The following ZFHX3 variants were observed in gnomAD, a reference collection of about 807,000 sequenced individuals.
ZFHX3 encodes zinc finger homeobox 3, also known as zinc finger homeobox protein 3.
A neutral mutation model predicts 279.1 loss-of-function variants in ZFHX3; 42 were observed. The observed-to-expected ratio is 0.15, with a 90% CI of 0.12 to 0.19. The LOEUF (loss-of-function observed/expected upper bound fraction) is 0.19, where lower values mean the gene tolerates loss of function less well. Ranked by LOEUF, ZFHX3 falls within the 10% of genes least tolerant of loss-of-function variation. ZFHX3 has a pLI of 1.00. For synonymous variants in ZFHX3, 2,293 were observed against 1,957.8 expected (o/e 1.17, Z -4.52); for missense variants, 4,981 against 4,754.0 (o/e 1.05, Z -1.40).
At position 73,882,781 on chromosome 16, in the gene ZFHX3, C is replaced by T. The variant is rs536040228; in HGVS notation, c.-1608+8870G>A. Among the ~76,000 whole-genome samples, 535 of 151,916 alleles carry T rather than the reference C, an allele frequency of 3.5e-3. 1 individual carries two copies. The highest frequency in any genetic ancestry group is 5.5e-3 in the Non-Finnish European group (375 of 67,938). On this transcript the variant is annotated intron_variant, in intron 1 of 17. Coordinates refer to the ZFHX3 transcript ENST00000641206. ...TAAGCTTCTTGGGTGCCAAGTGTCC[C>T]GAAACAACTACTCAAAAAAAGTTCA...
chr16:73,462,723 A>G (rs2018493963), intron 2 of ZFHX3, among the ~76,000 whole-genome samples: 1 of 152,070 alleles, frequency 6.6e-6, no homozygotes, highest in Admixed American at 6.5e-5. Context: ...ATATTGATTG[A>G]TTTTTCAATA....
chr16:73,084,594 C>T (rs1228542953), intron 8 of ZFHX3, among the ~76,000 whole-genome samples: 2 of 145,644 alleles, frequency 1.4e-5, no homozygotes, highest in Non-Finnish European at 3.0e-5. Context: ...GATCTCGGCT[C>T]ACTGCAAGCT....
chr16:73,851,781 T>A (rs77736822), intron 1 of ZFHX3, among the ~76,000 whole-genome samples: 3 of 152,306 alleles, frequency 2.0e-5, no homozygotes, highest in East Asian at 1.9e-4. Context: ...GGGCCTTTTT[T>A]AAAAATATTG....
intron 2 of ZFHX3, among the ~76,000 whole-genome samples, chr16:73,584,592 G>T (rs532600653): frequency 3.9e-5 from 6 of 152,274 alleles, no homozygotes; most frequent in African/African-American, 1.4e-4. Context: ...ATTACTAAAG[G>T]AAAGTCTAAA....
chr16:73,380,166 C>T (rs892131791), intron 3 of ZFHX3, among the ~76,000 whole-genome samples: 5 of 152,124 alleles, frequency 3.3e-5, no homozygotes, highest in Non-Finnish European at 7.4e-5. Flanking sequence ...TTAAAAAGCA[C>T]AGCTGATAAA....
intron 1 of ZFHX3, among the ~76,000 whole-genome samples, chr16:73,026,673 CAAAA>C (rs10561679): frequency 0.027 from 2,124 of 79,620 alleles, 62 homozygotes; most frequent in African/African-American, 0.084. Context: ...AAAACTGCCT[CAAAA>C]AAAAAAAAAA....
At chr16:73,456,647 CAGTTCTGAAG>C (rs2018377338) in intron 2 of ZFHX3, among the ~76,000 whole-genome samples, 1 of 152,194 alleles carries the variant, frequency 6.6e-6, no homozygotes, top group African/African-American at 2.4e-5. Context: ...TCTTCTGTTT[CAGTTCTGAAG>C]AGTAGCTGCT....
rs1258567953 is a variant in ZFHX3, at chr16:72,797,090, G to C, written c.5592C>G (p.His1864Gln). Residue 1864 changes from histidine (H) to glutamine (Q), a missense_variant, in exon 9 of 10, where the codon CAC becomes CAG. By Grantham distance (24) the His-to-Gln change is conservative (BLOSUM62 0). Around this residue, in one of 7 missense-constraint regions of ZFHX3, gnomAD observed 1,751 missense variants for 1,770.0 expected, o/e 0.99. Coordinates refer to ENST00000268489, the MANE Select transcript of ZFHX3 (RefSeq NM_006885.4). The stretch of plus-strand genomic sequence containing the variant: ...GCTGGCTTGGCTGAAGGAGGGCAGA[G>C]TGACTCTGGGCTATAGAGAGTTGGT... Reference protein sequence around the residue: ...QQNQLSIAQSHSALLQPSQHP... With the variant: ...QQNQLSIAQSQSALLQPSQHP... 2.5e-6 allele frequency: 4 copies of C among 1,613,870 alleles called. No homozygotes were observed. The South Asian group carries it at 4.4e-5, about 18-fold the overall frequency.
intron 2 of ZFHX3, among the ~76,000 whole-genome samples, chr16:73,489,416 G>A (rs978315196): frequency 6.6e-6 from 1 of 152,164 alleles, no homozygotes; most frequent in Non-Finnish European, 1.5e-5. Context: ...AGCTTCTCTA[G>A]ATCATTCCAT....
At chr16:72,997,206 G>A (rs1963328006) in intron 1 of ZFHX3, among the ~76,000 whole-genome samples, 2 of 152,278 alleles carry the variant, frequency 1.3e-5, no homozygotes, top group Admixed American at 6.5e-5. Flanking sequence ...TGTCACTGGC[G>A]GGGTAAGATC....
chr16:72,965,207 A>T (rs545667734), intron 1 of ZFHX3, among the ~76,000 whole-genome samples: 376 of 152,338 alleles, frequency 2.5e-3, no homozygotes, highest in Non-Finnish European at 4.4e-3. Context: ...AATTTTCAAA[A>T]GAGAACACTA....
chr16:73,067,950 G>A (rs1408350154), intron 8 of ZFHX3, among the ~76,000 whole-genome samples: 1 of 152,128 alleles, frequency 6.6e-6, no homozygotes, highest in Non-Finnish European at 1.5e-5. Context: ...TATTCCAGTA[G>A]GAGATAGATG....
chr16:73,392,418 C>CAAAAAAAAAAAAAAAAAAAAAA, intron 3 of ZFHX3, among the ~76,000 whole-genome samples: 1 of 35,782 alleles, frequency 2.8e-5, no homozygotes, highest in South Asian at 1.3e-3. Flanking sequence ...GACCCTGTCT[C>CAAAAAAAAAAAAAAAAAAAAAA]AAAAAAAAAA....
At chr16:73,371,602 G>GT (rs2143340425) in intron 3 of ZFHX3, among the ~76,000 whole-genome samples, 1 of 152,142 alleles carries the variant, frequency 6.6e-6, no homozygotes, top group South Asian at 2.1e-4. Flanking sequence ...AGGAACTGGT[G>GT]CACCGGGTGT....
chr16:72,990,458 G>A (rs549145511), intron 1 of ZFHX3, among the ~76,000 whole-genome samples: 1 of 152,252 alleles, frequency 6.6e-6, no homozygotes, highest in African/African-American at 2.4e-5. Context: ...TGAAGCGGGC[G>A]GGAGAGAGCT....
chr16:73,192,799 C>T (rs1303818951), intron 5 of ZFHX3, among the ~76,000 whole-genome samples: 3 of 152,194 alleles, frequency 2.0e-5, no homozygotes, highest in Admixed American at 6.5e-5. Context: ...CATTGCTCAT[C>T]GCACAAATGG....
intron 5 of ZFHX3, among the ~76,000 whole-genome samples, chr16:73,149,241 A>G (rs1966886186): frequency 7.6e-6 from 1 of 132,142 alleles, no homozygotes; most frequent in Non-Finnish European, 1.6e-5. Flanking sequence ...TCATTACTAT[A>G]TTTTATATTA....
At chr16:73,129,818 C>G (rs932036384) in intron 7 of ZFHX3, among the ~76,000 whole-genome samples, 16 of 152,098 alleles carry the variant, frequency 1.1e-4, no homozygotes, top group African/African-American at 3.9e-4. Flanking sequence ...TGTGCTCAGG[C>G]TATTTTAAGT....
chr16:72,867,817 G>T (rs1218451828), intron 4 of ZFHX3, among the ~76,000 whole-genome samples: 1 of 152,050 alleles, frequency 6.6e-6, no homozygotes, highest in African/African-American at 2.4e-5. Context: ...GATGCCTCTG[G>T]TCACTGCACC....
Sources: gnomAD v4.1 joint callset for allele counts (sites outside exome capture counted in the v4.1 genomes callset) on GRCh38, gnomAD v4.1.1 for gene constraint, gnomAD v4.1.1 regional missense constraint, MANE v1.5 for transcripts, NCBI Gene and HGNC (gene_info 2026-07-23, HGNC 2026-07-21) for gene names.